The following SEC24D variants were observed in gnomAD, a reference collection of about 807,000 sequenced individuals.
SEC24D encodes the protein SEC24 homolog D, COPII component.
In SEC24D, 69 loss-of-function variants were observed where a neutral mutation model predicts 116.9. That is an observed-to-expected ratio of 0.59 (90% confidence interval 0.49 to 0.72). SEC24D has a LOEUF of 0.72. SEC24D is among the 30% of genes least tolerant of loss of function. The probability of loss-of-function intolerance (pLI) is 0.00; values close to 1 mark genes in which losing one functional copy is unlikely to be tolerated. For synonymous variants in SEC24D, 405 were observed against 442.8 expected (o/e 0.91, Z 1.07); for missense variants, 1,131 against 1,264.1 (o/e 0.89, Z 1.60).
intron 19 of SEC24D, among the ~76,000 whole-genome samples, chr4:118,735,533 A>C (rs964053915): frequency 1.3e-5 from 2 of 152,128 alleles, no homozygotes; most frequent in African/African-American, 4.8e-5. Flanking sequence ...TTTTTTAAAA[A>C]GAAAGCTTAT....
chr4:118,795,604 A>G (rs1729144745), intron 8 of SEC24D, among the ~76,000 whole-genome samples: 1 of 152,246 alleles, frequency 6.6e-6, no homozygotes, highest in African/African-American at 2.4e-5. Context: ...TGATACATGC[A>G]ACATCACAAT....
rs1167399429 is a variant in SEC24D, at chr4:118,833,631, A to G, written c.66T>C (p.Ser22=). ...YSQPQPGIGL[S]PPHYGHYGDP... ...CCCCATAGTGCCCATAATGAGGTGG[A>G]GAAAGGCCTATTCCAGGCTGAGGCT... Residue 22 remains serine (S), a synonymous_variant, in exon 2 of 23, where the codon TCT becomes TCC. Transcript: ENST00000280551. 1 of 1,614,010 alleles carries G rather than the reference A, an allele frequency of 6.2e-7. No individual in the cohort carries two copies. Among genetic ancestry groups the G allele is most frequent in the South Asian group, 1.1e-5 (1 of 91,076 alleles).
chr4:118,818,394 A>G (rs550248513), intron 3 of SEC24D, among the ~76,000 whole-genome samples: 1 of 152,342 alleles, frequency 6.6e-6, no homozygotes, highest in South Asian at 2.1e-4. Context: ...CTGAAGTCCC[A>G]CAATTTATTT....
intron 4 of SEC24D, chr4:118,816,649 C>T (rs146409159): frequency 7.0e-6 from 2 of 285,726 alleles, no homozygotes; most frequent in South Asian, 3.0e-5. Flanking sequence ...TTTAATGATA[C>T]TTCAGAAAAC....
At chr4:118,748,061 C>T (rs1336128932) in intron 13 of SEC24D, among the ~76,000 whole-genome samples, 1 of 152,032 alleles carries the variant, frequency 6.6e-6, no homozygotes, top group Non-Finnish European at 1.5e-5. Context: ...GTCAGGAGAT[C>T]AAGATCATCC....
intron 10 of SEC24D, among the ~76,000 whole-genome samples, chr4:118,760,851 G>A (rs1202630346): frequency 1.3e-5 from 2 of 151,656 alleles, no homozygotes; most frequent in Admixed American, 6.6e-5. Context: ...GGGATTACAG[G>A]TGCCCACCAC....
chr4:118,735,299 G>C (rs72679023), intron 19 of SEC24D, among the ~76,000 whole-genome samples: 43,557 of 152,056 alleles, frequency 0.29, 7,149 homozygotes, highest in Non-Finnish European at 0.37. Flanking sequence ...CTTATTCAAT[G>C]TTTTTGAGGT....
At chr4:118,772,594 T>C (rs1430821501) in intron 8 of SEC24D, among the ~76,000 whole-genome samples, 2 of 151,998 alleles carry the variant, frequency 1.3e-5, no homozygotes, top group Non-Finnish European at 2.9e-5. Flanking sequence ...AGAGGTACGG[T>C]TGGGATAGGG....
chr4:118,793,133 A>G (rs1458918731), intron 8 of SEC24D, among the ~76,000 whole-genome samples: 2 of 152,204 alleles, frequency 1.3e-5, no homozygotes, highest in African/African-American at 4.8e-5. Flanking sequence ...AGGAAAAATT[A>G]GACCAGGACG....
chr4:118,734,409 C>T (rs1441705409), intron 19 of SEC24D, among the ~76,000 whole-genome samples: 1 of 151,818 alleles, frequency 6.6e-6, no homozygotes, highest in Non-Finnish European at 1.5e-5. Flanking sequence ...GATGGGGTTT[C>T]GCCATGTTGG....
At chr4:118,809,628 C>G (rs1729820547) in intron 6 of SEC24D, among the ~76,000 whole-genome samples, 1 of 152,146 alleles carries the variant, frequency 6.6e-6, no homozygotes, top group South Asian at 2.1e-4. Context: ...GTCACAGCAT[C>G]TACTCCTTCT....
At chr4:118,762,778 T>G (rs1727452193) in intron 10 of SEC24D, among the ~76,000 whole-genome samples, 1 of 152,212 alleles carries the variant, frequency 6.6e-6, no homozygotes, top group African/African-American at 2.4e-5. Context: ...TTCTTCAAAA[T>G]GTACAATTTT....
rs1323795646 is a variant in SEC24D, at chr4:118,784,319, CA to C, written c.1041+13363del. ...AATAAGAGGAAAGATGACTTGTTATCAAAATAAAAGTTGATAAATATGAAAC... is the reference window on the plus strand; with the variant it reads ...AATAAGAGGAAAGATGACTTGTTATCAAATAAAAGTTGATAAATATGAAAC... On this transcript the variant is annotated intron_variant, in intron 8 of 22. Transcript: ENST00000280551. 2.6e-5 allele frequency among the ~76,000 whole-genome samples: 4 copies of C among 152,018 alleles called. No individual in the cohort carries two copies. In the South Asian group the frequency reaches 8.3e-4, roughly 32 times the overall value.
At chr4:118,746,646 C>T (rs1358240361) in intron 13 of SEC24D, among the ~76,000 whole-genome samples, 1 of 152,076 alleles carries the variant, frequency 6.6e-6, no homozygotes, top group Non-Finnish European at 1.5e-5. Context: ...GCTTTACACA[C>T]CTCCATATCT....
intron 7 of SEC24D, among the ~76,000 whole-genome samples, chr4:118,803,568 C>A (rs2110511966): frequency 6.6e-6 from 1 of 152,292 alleles, no homozygotes; most frequent in South Asian, 2.1e-4. Context: ...TCTAATATAA[C>A]ATTTATCTCA....
Position 118,795,178 on chromosome 4 carries a change from T to A in SEC24D, c.1041+2505A>T, listed in dbSNP as rs143146398. ...GACCAATACTACATATTGTTATAGA[T>A]ACCTGCATACAAAGTCAGCACATAA... On this transcript the variant is annotated intron_variant, in intron 8 of 22. Coordinates refer to ENST00000280551, the MANE Select transcript of SEC24D (RefSeq NM_014822.4). 1.0e-3 allele frequency among the ~76,000 whole-genome samples: 158 copies of A among 152,084 alleles called. 1 individual carries two copies. Among genetic ancestry groups the A allele is most frequent in the African/African-American group, 3.7e-3 (152 of 41,510 alleles).
Position 118,817,168 on chromosome 4 carries a change from CCTAGTTACAT to C in SEC24D, c.397+86_397+95del. 3 of 981,204 alleles carry C rather than the reference CCTAGTTACAT, an allele frequency of 3.1e-6. 1 individual carries two copies. The South Asian group carries it at 5.4e-5, about 18-fold the overall frequency. 60.8% of individuals were successfully genotyped at this position (981,204 alleles called of 1,614,324 possible). Reference sequence around the variant, plus strand: ...CAAATACTACTTCAACACAGTATGCCCTAGTTACATCTATTTTAAAAATGAAGAAAACCTC... The same window carrying C: ...CAAATACTACTTCAACACAGTATGCCCTATTTTAAAAATGAAGAAAACCTC... On this transcript the variant is annotated intron_variant, in intron 4 of 22. Transcript: ENST00000280551.
At chr4:118,774,286 AAGTT>A (rs1406657035) in intron 8 of SEC24D, among the ~76,000 whole-genome samples, 1 of 151,974 alleles carries the variant, frequency 6.6e-6, no homozygotes, top group African/African-American at 2.4e-5. Context: ...TTTAATTTGG[AAGTT>A]AGTTTTTTAT....
In SEC24D at chr4:118,741,031, A is replaced by G. The variant is rs371747755; in HGVS notation, c.2002T>C (p.Leu668=). 3.5e-5 allele frequency: 54 copies of G among 1,558,934 alleles called. No homozygotes were observed. Among genetic ancestry groups the G allele is most frequent in the Non-Finnish European group, 4.5e-5 (52 of 1,147,248 alleles). The change falls in exon 16 of 23, where the codon TTG becomes CTG. Residue 668 remains leucine, a synonymous_variant. Transcript: ENST00000280551. ...LYKYNNFQMH[L]DRQQFLNDLR... ...TCGTTCAAAAATTGTTGTCTATCCA[A>G]GTGCATCTAAAAAATAAAAGTCTAA...
Sources: gnomAD v4.1 joint callset for allele counts (sites outside exome capture counted in the v4.1 genomes callset) on GRCh38, gnomAD v4.1.1 for gene constraint, MANE v1.5 for transcripts, NCBI Gene and HGNC (gene_info 2026-07-23, HGNC 2026-07-21) for gene names.